Variants in SCAPER observed in about 807,000 individuals in gnomAD.
The protein encoded by SCAPER is S-phase cyclin A associated protein in the ER, also known as S phase cyclin A-associated protein in the endoplasmic reticulum.
SCAPER carries 98 observed loss-of-function variants against 182.2 expected under a neutral mutation model. The ratio of observed to expected loss-of-function variants is 0.54; its 90% confidence interval spans 0.46 to 0.64. SCAPER has a LOEUF of 0.64. Among genes scored for constraint, SCAPER ranks in the 30% least tolerant of loss-of-function variants. The probability of loss-of-function intolerance (pLI) is 0.00; values close to 1 mark genes in which losing one functional copy is unlikely to be tolerated. For missense variants in SCAPER, 1,432 were observed against 1,690.0 expected (o/e 0.85, Z 2.68); for synonymous variants, 605 against 564.6 (o/e 1.07, Z -1.01).
At position 76,630,525 on chromosome 15, in the gene SCAPER, T is replaced by C. The variant is rs2053009219; in HGVS notation, c.2646-8696A>G. On this transcript the variant is annotated intron_variant, in intron 21 of 31. Transcript: ENST00000563290. ...CTTTGTTCTCATTGGTTTCAAATAA[T>C]TTCTTAACTTCTGCCTTAATTTCAT... 2.6e-5 allele frequency among the ~76,000 whole-genome samples: 4 copies of C among 152,162 alleles called. No homozygotes were observed. In the South Asian group the frequency reaches 6.2e-4, roughly 24 times the overall value.
chr15:76,668,203 T>C (rs2056767486), intron 20 of SCAPER, among the ~76,000 whole-genome samples: 3 of 152,144 alleles, frequency 2.0e-5, no homozygotes, highest in South Asian at 4.1e-4. Context: ...ATTCAACCAC[T>C]TATCCCTACC....
At chr15:76,667,994 C>G (rs1413813952) in intron 20 of SCAPER, among the ~76,000 whole-genome samples, 1 of 152,044 alleles carries the variant, frequency 6.6e-6, no homozygotes, top group African/African-American at 2.4e-5. Flanking sequence ...TCCTCAAAAT[C>G]TCCAGTTAGG....
At chr15:76,561,100 G>A (rs949401289) in intron 23 of SCAPER, among the ~76,000 whole-genome samples, 1 of 152,064 alleles carries the variant, frequency 6.6e-6, no homozygotes, top group East Asian at 1.9e-4. Flanking sequence ...TACTCACTGC[G>A]TGAGGCAATC....
chr15:76,407,961 T>TA lies in SCAPER; in HGVS notation c.3312-3283dup, dbSNP rs111718411. Among the ~76,000 whole-genome samples, 18 of 152,066 alleles carry TA rather than the reference T, an allele frequency of 1.2e-4. 1 individual carries two copies. The highest frequency in any genetic ancestry group is 4.1e-4 in the African/African-American group (17 of 41,492). ...TTGTAAATGTTTCCATTTCTATCTC[T>TA]AAAAAAAATCACTTAAAAAAAACAA... On this transcript the variant is annotated intron_variant, in intron 26 of 31. Coordinates refer to ENST00000563290, the MANE Select transcript of SCAPER (RefSeq NM_020843.4).
At chr15:76,823,194 C>A (rs1342476552) in intron 5 of SCAPER, among the ~76,000 whole-genome samples, 1 of 152,178 alleles carries the variant, frequency 6.6e-6, no homozygotes, top group Non-Finnish European at 1.5e-5. Context: ...CGCTGTGGCT[C>A]ATGCCTGTAA....
chr15:76,609,900 A>C (rs2050824140), intron 22 of SCAPER, among the ~76,000 whole-genome samples: 1 of 152,172 alleles, frequency 6.6e-6, no homozygotes, highest in Non-Finnish European at 1.5e-5. Flanking sequence ...CTTATGTGGA[A>C]GAGCATGGCT....
At chr15:76,543,180 T>C (rs951000857) in intron 23 of SCAPER, among the ~76,000 whole-genome samples, 5 of 152,172 alleles carry the variant, frequency 3.3e-5, no homozygotes, top group African/African-American at 1.2e-4. Context: ...GGAGGTGTAA[T>C]ATGTTACTGC....
At chr15:76,444,158 T>C (rs920242462) in intron 25 of SCAPER, among the ~76,000 whole-genome samples, 3 of 152,202 alleles carry the variant, frequency 2.0e-5, no homozygotes, top group Admixed American at 6.5e-5. Flanking sequence ...TTCAAGAGTT[T>C]TGATGGGAAA....
chr15:76,396,506 T>TGTTTTATAGTTATATAAAACTATA (rs2044069874), intron 27 of SCAPER, among the ~76,000 whole-genome samples: 1 of 152,190 alleles, frequency 6.6e-6, no homozygotes, highest in Non-Finnish European at 1.5e-5. Flanking sequence ...CTTTCATCAA[T>TGTTTTATAGTTATATAAAACTATA]GTTTTATAGT....
chr15:76,510,890 C>T (rs866682366), intron 23 of SCAPER, among the ~76,000 whole-genome samples: 6 of 149,114 alleles, frequency 4.0e-5, no homozygotes, highest in East Asian at 1.9e-4. Context: ...TGTGTGTGTG[C>T]GCGCGCGCAC....
chr15:76,799,576 A>G (rs776375272), intron 7 of SCAPER, among the ~76,000 whole-genome samples: 1 of 152,060 alleles, frequency 6.6e-6, no homozygotes, highest in Non-Finnish European at 1.5e-5. Context: ...TTTCAAACAT[A>G]TCCACAATGC....
chr15:76,713,329 C>T (rs1199869669), intron 17 of SCAPER, among the ~76,000 whole-genome samples: 8 of 151,928 alleles, frequency 5.3e-5, no homozygotes, highest in African/African-American at 7.3e-5. Context: ...CACATGCACA[C>T]ATATGTTTAT....
intron 25 of SCAPER, among the ~76,000 whole-genome samples, chr15:76,466,362 T>C (rs1596797211): frequency 1.3e-5 from 2 of 151,290 alleles, no homozygotes; most frequent in African/African-American, 2.4e-5. Context: ...TGAACCCCTA[T>C]TGTGAATTTT....
At chr15:76,503,056 GAAAACAAAACAAAAC>G (rs139731777) in intron 24 of SCAPER, among the ~76,000 whole-genome samples, 1 of 151,034 alleles carries the variant, frequency 6.6e-6, no homozygotes, top group Admixed American at 6.6e-5. Context: ...AAGCCTACCA[GAAAACAAAACAAAAC>G]AAAACAAAAC....
rs71143333 is a variant in SCAPER at position 76,488,714 on chromosome 15, C to CTTTTTTTTTTTTTTTTTTTTTTTTTTTT, written c.2954+16117_2954+16144dup. 6.6e-4 allele frequency among the ~76,000 whole-genome samples: 61 copies of CTTTTTTTTTTTTTTTTTTTTTTTTTTTT among 93,122 alleles called. 7 individuals are homozygous for CTTTTTTTTTTTTTTTTTTTTTTTTTTTT. The highest frequency in any genetic ancestry group is 8.3e-4 in the Non-Finnish European group (42 of 50,558). 61.1% of individuals were successfully genotyped at this position (93,122 alleles called of 152,430 possible). A position where few individuals can be genotyped will look rare whatever the true frequency, so the allele number is the denominator to read the frequency against. ...TTGCATCCTGATAACAGTACACTGC[C>CTTTTTTTTTTTTTTTTTTTTTTTTTTTT]TTTTTTTTTTTTTTTTTTTTTTTTT... On this transcript the variant is annotated intron_variant, in intron 24 of 31. Coordinates refer to ENST00000563290, the MANE Select transcript of SCAPER (RefSeq NM_020843.4).
chr15:76,704,789 G>GA (rs2059156829), intron 18 of SCAPER, among the ~76,000 whole-genome samples: 3 of 152,102 alleles, frequency 2.0e-5, no homozygotes, highest in Admixed American at 2.0e-4. Flanking sequence ...AAAGACACAT[G>GA]AAAAAATGCT....
chr15:76,883,661 A>G (rs2073695688), intron 2 of SCAPER, 151 bp downstream of exon 2: 1 of 682,800 alleles, frequency 1.5e-6, no homozygotes. Context: ...TGAATAGTAC[A>G]TTCATAGCTG....
intron 21 of SCAPER, among the ~76,000 whole-genome samples, chr15:76,657,878 A>C (rs2055802472): frequency 6.6e-6 from 1 of 152,212 alleles, no homozygotes; most frequent in Admixed American, 6.5e-5. Context: ...CTTCATGTTA[A>C]AAACCTTCAA....
chr15:76,673,929 T>A (rs1396963797), intron 20 of SCAPER, among the ~76,000 whole-genome samples: 1 of 147,090 alleles, frequency 6.8e-6, no homozygotes, highest in Non-Finnish European at 1.5e-5. Flanking sequence ...AACATTTAAA[T>A]CCATCAATTC....
Sources: allele counts gnomAD v4.1 joint callset (sites outside exome capture counted in the v4.1 genomes callset), GRCh38; gene constraint gnomAD v4.1.1; transcripts MANE v1.5; gene names NCBI Gene and HGNC (gene_info 2026-07-23, HGNC 2026-07-21).